The following DNAH9 variants were observed in gnomAD, a reference collection of about 807,000 sequenced individuals.
DNAH9 encodes the protein DNAH9 variant protein.
In DNAH9, 345 loss-of-function variants were observed where a neutral mutation model predicts 471.6. That is an observed-to-expected ratio of 0.73 (90% CI 0.67 to 0.80). The LOEUF (loss-of-function observed/expected upper bound fraction) is 0.80. Ranked by LOEUF, DNAH9 falls within the 30% of genes least tolerant of loss-of-function variation. The probability of loss-of-function intolerance (pLI) is 0.00; values close to 1 mark genes in which losing one functional copy is unlikely to be tolerated. For missense variants in DNAH9, 5,407 were observed against 5,609.2 expected (o/e 0.96, Z 1.15); for synonymous variants, 2,093 against 2,123.6 (o/e 0.99, Z 0.40).
chr17:11,845,339 C>T (rs2150962686), intron 49 of DNAH9, among the ~76,000 whole-genome samples: 1 of 147,300 alleles, frequency 6.8e-6, no homozygotes, highest in Non-Finnish European at 1.5e-5. Flanking sequence ...ATGAACTCAT[C>T]ATTTTTTATG....
chr17:11,900,651 G>GT (rs1342583845), intron 59 of DNAH9, among the ~76,000 whole-genome samples: 1 of 151,844 alleles, frequency 6.6e-6, no homozygotes, highest in African/African-American at 2.4e-5. Context: ...TGTTGTTGTT[G>GT]TTTTTTATTA....
At chr17:11,809,913 C>T (rs1324339506) in intron 44 of DNAH9, among the ~76,000 whole-genome samples, 1 of 152,118 alleles carries the variant, frequency 6.6e-6, no homozygotes, top group Non-Finnish European at 1.5e-5. Flanking sequence ...GCTGTAACCT[C>T]TTTGCACAAA....
chr17:11,619,567 C>A lies in DNAH9; in HGVS notation c.1136C>A (p.Pro379Gln). 1 of 1,611,392 alleles carries A rather than the reference C, an allele frequency of 6.2e-7. No homozygotes were observed. The highest frequency in any genetic ancestry group is 8.5e-7 in the Non-Finnish European group (1 of 1,177,494). The change falls in exon 6 of 69, where the codon CCA becomes CAA. Residue 379 changes from proline (P) to glutamine (Q), a missense_variant. By Grantham distance (76) the Pro-to-Gln change is moderately conservative. Around this residue, in one of 3 missense-constraint regions of DNAH9, gnomAD observed 767 missense variants for 692.5 expected, o/e 1.11. Coordinates refer to ENST00000262442, the MANE Select transcript of DNAH9 (RefSeq NM_001372.4). The part of the protein sequence containing the change: ...LIQQASNYLS[P>Q]EDLLRSEVEE... ...TACCAGGCCTCTAATTATCTCAGCC[C>A]AGAAGACCTGCTGAGAAGTGAGGTA...
chr17:11,780,725 T>C (rs1052956105), intron 38 of DNAH9, among the ~76,000 whole-genome samples: 1 of 152,170 alleles, frequency 6.6e-6, no homozygotes, highest in Non-Finnish European at 1.5e-5. Context: ...CTCACAGTTA[T>C]GTTATAAGGA....
intron 49 of DNAH9, among the ~76,000 whole-genome samples, chr17:11,841,469 G>T (rs1971028464): frequency 6.6e-6 from 1 of 152,186 alleles, no homozygotes; most frequent in South Asian, 2.1e-4. Context: ...CGTGAGAGGA[G>T]GGTAGGGGAA....
At chr17:11,843,888 T>TATATATATATATAC (rs1188211391) in intron 49 of DNAH9, among the ~76,000 whole-genome samples, 4 of 133,088 alleles carry the variant, frequency 3.0e-5, no homozygotes, top group African/African-American at 8.5e-5. Flanking sequence ...TATATATATA[T>TATATATATATATAC]ATACACATAG....
chr17:11,605,873 C>A (rs1425550803), intron 1 of DNAH9, among the ~76,000 whole-genome samples: 2 of 152,152 alleles, frequency 1.3e-5, no homozygotes, highest in East Asian at 3.9e-4. Context: ...TTAAAACCCC[C>A]ACTCAAAACT....
chr17:11,613,856 A>G (rs985652357), intron 4 of DNAH9, among the ~76,000 whole-genome samples: 1 of 152,202 alleles, frequency 6.6e-6, no homozygotes, highest in African/African-American at 2.4e-5. Flanking sequence ...TAGTAAAAAT[A>G]TATTATGAGT....
In DNAH9 at chr17:11,696,923, G is replaced by C. The variant is rs1269849932; in HGVS notation, c.4872+2476G>C. On this transcript the variant is annotated intron_variant, in intron 22 of 68. Transcript: ENST00000262442. The stretch of plus-strand genomic sequence containing the variant: ...CTTGCTCTGTCACCCAGGCTGGAGT[G>C]CAGTGGCATGATCATAGCTCACTGC... Among the ~76,000 whole-genome samples, 4 of 152,112 alleles carry C rather than the reference G, an allele frequency of 2.6e-5. No homozygotes were observed. The East Asian group carries it at 7.7e-4, about 29-fold the overall frequency.
intron 43 of DNAH9, among the ~76,000 whole-genome samples, chr17:11,804,054 A>G (rs1969566505): frequency 6.6e-6 from 1 of 152,234 alleles, no homozygotes; most frequent in Non-Finnish European, 1.5e-5. Context: ...AATTTAACAA[A>G]AATGTATTAG....
intron 4 of DNAH9, 44 bp downstream of exon 4, chr17:11,611,824 T>A (rs1235753560): frequency 6.2e-7 from 1 of 1,602,658 alleles, no homozygotes; most frequent in African/African-American, 1.3e-5. Context: ...TGACTCAAGT[T>A]ACCGTCGAAT....
chr17:11,664,688 C>A, intron 14 of DNAH9, 145 bp from the exon 15 acceptor site: 1 of 669,686 alleles, frequency 1.5e-6, no homozygotes, highest in South Asian at 1.9e-5. Flanking sequence ...ACTCATTAGG[C>A]AGAGTGGATT....
chr17:11,638,447 C>T (rs777381229), intron 9 of DNAH9, among the ~76,000 whole-genome samples: 4 of 152,042 alleles, frequency 2.6e-5, no homozygotes, highest in Admixed American at 6.5e-5. Context: ...TGCAGTGGCA[C>T]GATCTCGGCT....
At chr17:11,681,641 T>G (rs575405676) in intron 19 of DNAH9, among the ~76,000 whole-genome samples, 1 of 152,302 alleles carries the variant, frequency 6.6e-6, no homozygotes, top group Non-Finnish European at 1.5e-5. Context: ...GAGCTTCCTT[T>G]CTTGCTGGGT....
chr17:11,773,294 C>G (rs990857720), intron 38 of DNAH9, among the ~76,000 whole-genome samples: 1 of 152,136 alleles, frequency 6.6e-6, no homozygotes, highest in Non-Finnish European at 1.5e-5. Flanking sequence ...AACACCCAGA[C>G]AGATGTGCAA....
intron 35 of DNAH9, among the ~76,000 whole-genome samples, chr17:11,760,686 A>C (rs2150864724): frequency 6.6e-6 from 1 of 152,062 alleles, no homozygotes; most frequent in African/African-American, 2.4e-5. Context: ...CACCCAGCTA[A>C]TTTTTATATT....
chr17:11,868,024 A>C (rs1303360214), intron 50 of DNAH9, among the ~76,000 whole-genome samples: 3 of 152,136 alleles, frequency 2.0e-5, no homozygotes, highest in Non-Finnish European at 4.4e-5. Context: ...GCTAACTCTA[A>C]GTTGTCACGT....
At chr17:11,691,579 T>C (rs1399659469) in intron 20 of DNAH9, among the ~76,000 whole-genome samples, 1 of 152,238 alleles carries the variant, frequency 6.6e-6, no homozygotes, top group Non-Finnish European at 1.5e-5. Context: ...CTGGTAACTA[T>C]ATTCATTCAT....
chr17:11,635,291 C>T (rs1008131707), intron 8 of DNAH9, among the ~76,000 whole-genome samples: 3 of 149,874 alleles, frequency 2.0e-5, no homozygotes, highest in African/African-American at 7.4e-5. Flanking sequence ...CTCAGCTTCT[C>T]GAGTAGCTGG....
Sources: gnomAD v4.1 joint callset for allele counts (sites outside exome capture counted in the v4.1 genomes callset) on GRCh38, gnomAD v4.1.1 for gene constraint, gnomAD v4.1.1 regional missense constraint, MANE v1.5 for transcripts, NCBI Gene and HGNC (gene_info 2026-07-23, HGNC 2026-07-21) for gene names.